The following FUT8 variants were observed in gnomAD, a reference collection of about 807,000 sequenced individuals.
The protein encoded by FUT8 is alpha-(1,6)-fucosyltransferase.
Under a neutral mutation model 71.3 loss-of-function variants are expected in FUT8, and 29 were observed. That is an observed-to-expected ratio of 0.41 (90% confidence interval 0.30 to 0.55). FUT8 has a LOEUF of 0.55. Among genes scored for constraint, FUT8 ranks in the 20% least tolerant of loss-of-function variants. The probability of loss-of-function intolerance (pLI) is 0.34; values close to 1 mark genes in which losing one functional copy is unlikely to be tolerated. For missense variants in FUT8, 544 were observed against 702.1 expected (o/e 0.77, Z 2.55); for synonymous variants, 254 against 239.3 (o/e 1.06, Z -0.57).
At chr14:65,438,504 C>T (rs2065594240) in intron 1 of FUT8, among the ~76,000 whole-genome samples, 1 of 152,068 alleles carries the variant, frequency 6.6e-6, no homozygotes, top group Non-Finnish European at 1.5e-5. Context: ...CAGCTGCCAA[C>T]TTAGATCATG....
intron 3 of FUT8, among the ~76,000 whole-genome samples, chr14:65,599,467 A>G (rs1240564455): frequency 3.9e-5 from 6 of 152,218 alleles, no homozygotes; most frequent in Non-Finnish European, 7.3e-5. Context: ...GAGTATTTTT[A>G]GAAATATTTT....
intron 2 of FUT8, among the ~76,000 whole-genome samples, chr14:65,548,640 A>T (rs1885110442): frequency 6.6e-6 from 1 of 152,046 alleles, no homozygotes; most frequent in African/African-American, 2.4e-5. Flanking sequence ...CCATAGGAGA[A>T]AATATATGGG....
intron 2 of FUT8, among the ~76,000 whole-genome samples, chr14:65,557,967 C>G (rs911343651): frequency 5.3e-5 from 8 of 152,104 alleles, no homozygotes; most frequent in African/African-American, 1.9e-4. Flanking sequence ...ATATCGTTGT[C>G]TTTGCAAAGT....
At chr14:65,388,979 TA>T in the FUT8 span, among the ~76,000 whole-genome samples, 1 of 151,118 alleles carries the variant, frequency 6.6e-6, no homozygotes, top group Non-Finnish European at 1.5e-5. Flanking sequence ...TATAAATGTA[TA>T]TATGCATATA....
intron 3 of FUT8, among the ~76,000 whole-genome samples, chr14:65,593,389 A>G (rs577053112): frequency 6.6e-6 from 1 of 152,186 alleles, no homozygotes; most frequent in East Asian, 1.9e-4. Context: ...ATCAAACCAG[A>G]TTTTCTTTTG....
chr14:65,527,566 C>G lies in FUT8; in HGVS notation c.-227-33771C>G, dbSNP rs181843676. On this transcript the variant is annotated intron_variant, in intron 2 of 10. Coordinates refer to ENST00000673929, the MANE Select transcript of FUT8 (RefSeq NM_001371533.1). ...TCTGAAGCCTCTTATCTCAACTCATCAAAGTCATTCTCCGTCCAGCTTTGT... is the reference window on the plus strand; with the variant it reads ...TCTGAAGCCTCTTATCTCAACTCATGAAAGTCATTCTCCGTCCAGCTTTGT... 1.7e-3 allele frequency among the ~76,000 whole-genome samples: 262 copies of G among 152,288 alleles called. 2 individuals are homozygous for G. Among genetic ancestry groups the G allele is most frequent in the Middle Eastern group, 0.014 (4 of 294 alleles).
chr14:65,505,257 T>A (rs1281549011), intron 2 of FUT8, among the ~76,000 whole-genome samples: 1 of 151,998 alleles, frequency 6.6e-6, no homozygotes, highest in Admixed American at 6.6e-5. Context: ...TTGAATCAGT[T>A]TTGTTGGTTA....
intron 7 of FUT8, among the ~76,000 whole-genome samples, chr14:65,680,323 A>T (rs1017870057): frequency 6.6e-6 from 1 of 152,220 alleles, no homozygotes; most frequent in African/African-American, 2.4e-5. Flanking sequence ...GAAACTTTAT[A>T]GTTTTAGCTT....
In FUT8 at chr14:65,487,043, G is replaced by A. The variant is rs114484409; in HGVS notation, c.-228+31325G>A. On this transcript the variant is annotated intron_variant, in intron 2 of 10. Transcript: ENST00000673929. ...ATAGTTTAGATGAAAATCAGCCAGA[G>A]CACAGTTAGACTCTATTAGCATAAG... 3.5e-3 allele frequency among the ~76,000 whole-genome samples: 528 copies of A among 152,268 alleles called. 2 individuals carry two copies. Among genetic ancestry groups the A allele is most frequent in the African/African-American group, 0.012 (501 of 41,556 alleles).
At chr14:65,544,143 T>C (rs1884850492) in intron 2 of FUT8, among the ~76,000 whole-genome samples, 2 of 152,062 alleles carry the variant, frequency 1.3e-5, no homozygotes. Flanking sequence ...GAGCCAAAGG[T>C]GGAAGGAATA....
chr14:65,524,184 A>G (rs1221188553), intron 2 of FUT8, among the ~76,000 whole-genome samples: 1 of 152,108 alleles, frequency 6.6e-6, no homozygotes, highest in Non-Finnish European at 1.5e-5. Context: ...TTTTCACGAT[A>G]TTGATTCTTC....
the FUT8 span, among the ~76,000 whole-genome samples, chr14:65,390,818 G>T: frequency 1.3e-5 from 2 of 151,158 alleles, no homozygotes; most frequent in Non-Finnish European, 1.5e-5. Flanking sequence ...CCGCCTTCTG[G>T]GTTCAAACGA....
chr14:65,624,511 T>C (rs1889792326), intron 5 of FUT8, among the ~76,000 whole-genome samples: 1 of 152,238 alleles, frequency 6.6e-6, no homozygotes, highest in Non-Finnish European at 1.5e-5. Context: ...TAAACCATGC[T>C]AATGCTTATA....
chr14:65,641,603 G>T lies in FUT8; in HGVS notation c.597+11997G>T, dbSNP rs78504478. Among the ~76,000 whole-genome samples, 1,187 of 152,218 alleles carry T rather than the reference G, an allele frequency of 7.8e-3. 9 individuals carry two copies. Among genetic ancestry groups the T allele is most frequent in the African/African-American group, 0.024 (985 of 41,532 alleles). On this transcript the variant is annotated intron_variant, in intron 6 of 10. Coordinates refer to ENST00000673929, the MANE Select transcript of FUT8 (RefSeq NM_001371533.1). ...AACTGTTTGAACTGTTTACAAAAGTGATTGTGCCATTTTATATTTTCATCC... is the reference window on the plus strand; with the variant it reads ...AACTGTTTGAACTGTTTACAAAAGTTATTGTGCCATTTTATATTTTCATCC...
chr14:65,634,062 G>A (rs1192279615), intron 6 of FUT8, among the ~76,000 whole-genome samples: 2 of 152,248 alleles, frequency 1.3e-5, no homozygotes. Context: ...TCTGGGAGGT[G>A]TACCCAACAG....
intron 1 of FUT8, among the ~76,000 whole-genome samples, chr14:65,451,335 C>T (rs541534432): frequency 3.7e-4 from 57 of 152,370 alleles, no homozygotes; most frequent in African/African-American, 1.3e-3. Flanking sequence ...GAGTGGGTGC[C>T]GGAACGGCCG....
intron 5 of FUT8, among the ~76,000 whole-genome samples, chr14:65,621,866 C>T (rs998910858): frequency 1.3e-5 from 2 of 152,146 alleles, no homozygotes; most frequent in Non-Finnish European, 2.9e-5. Context: ...GCTGTGTCAT[C>T]CAGGCAGAAG....
chr14:65,418,270 TC>T (rs1432716342), intron 1 of FUT8, among the ~76,000 whole-genome samples: 1 of 152,150 alleles, frequency 6.6e-6, no homozygotes, highest in Non-Finnish European at 1.5e-5. Flanking sequence ...AACCTGTGTA[TC>T]TGTCTAAGTC....
At chr14:65,512,499 G>A (rs1258254350) in intron 2 of FUT8, among the ~76,000 whole-genome samples, 1 of 152,102 alleles carries the variant, frequency 6.6e-6, no homozygotes. Context: ...ACTCATATAT[G>A]CAGTTCGTTG....
Sources: allele counts gnomAD v4.1 joint callset (sites outside exome capture counted in the v4.1 genomes callset), GRCh38; gene constraint gnomAD v4.1.1; transcripts MANE v1.5; gene names NCBI Gene and HGNC (gene_info 2026-07-23, HGNC 2026-07-21).